Variants in CACNA1I observed in about 807,000 individuals in gnomAD.
The protein encoded by CACNA1I is calcium voltage-gated channel subunit alpha1 I.
In CACNA1I, 74 loss-of-function variants were observed where a neutral mutation model predicts 201.6. The observed-to-expected ratio is 0.37, with a 90% CI of 0.30 to 0.45. CACNA1I has a LOEUF of 0.45. CACNA1I is among the 20% of genes least tolerant of loss of function. The pLI, the probability that CACNA1I is intolerant of heterozygous loss-of-function variation, is 1.00. For synonymous variants in CACNA1I, 1,431 were observed against 1,345.2 expected (o/e 1.06, Z -1.40); for missense variants, 2,346 against 3,138.1 (o/e 0.75, Z 6.03).
At position 39,687,970 on chromosome 22, in the gene CACNA1I, C is replaced by A. The variant is rs1935935156; in HGVS notation, c.*1565C>A. ...GCAATAACCTTGCCTTTGCTAAGAC[C>A]CCCTCCGAGGGCTTCAGGGGGGCCT... On this transcript the variant is annotated 3_prime_UTR_variant, in exon 37 of 37. Coordinates refer to ENST00000402142, the MANE Select transcript of CACNA1I (RefSeq NM_021096.4). The A allele has an allele frequency of 6.6e-6, 1 of 152,270 alleles. No homozygotes were observed. The highest frequency in any genetic ancestry group is 2.1e-4 in the South Asian group (1 of 4,824). 9.4% of individuals were successfully genotyped at this position (152,270 alleles called of 1,614,324 possible). A position where few individuals can be genotyped will look rare whatever the true frequency, so the allele number is the denominator to read the frequency against.
chr22:39,637,761 T>G (rs1449726976), intron 5 of CACNA1I, among the ~76,000 whole-genome samples: 3 of 152,246 alleles, frequency 2.0e-5, no homozygotes, highest in African/African-American at 7.2e-5. Context: ...AAGTCCAGTT[T>G]ATCAATCATT....
rs1933087468 is a variant in CACNA1I, at chr22:39,602,169, T to A, written c.482+1516T>A. 2.8e-5 allele frequency among the ~76,000 whole-genome samples: 4 copies of A among 144,152 alleles called. No individual in the cohort carries two copies. The South Asian group carries it at 7.1e-4, about 25-fold the overall frequency. The allele number at this position is 144,152 out of a possible 152,430, so 94.6% of individuals were successfully genotyped here. ...ACACTGCAGCCTTGACTTCCTAGGCTCAAAGGATCCTCCCACCTCAGCCTC... is the reference window on the plus strand; with the variant it reads ...ACACTGCAGCCTTGACTTCCTAGGCACAAAGGATCCTCCCACCTCAGCCTC... On this transcript the variant is annotated intron_variant, in intron 3 of 36. Coordinates refer to ENST00000402142, the MANE Select transcript of CACNA1I (RefSeq NM_021096.4).
At chr22:39,634,815 G>C in intron 5 of CACNA1I, 91 bp downstream of exon 5, 1 of 1,314,550 alleles carries the variant, frequency 7.6e-7, no homozygotes, top group Non-Finnish European at 1.1e-6. Flanking sequence ...CAGGACCAAT[G>C]GGGTAGAAGC....
Position 39,662,033 on chromosome 22 carries a change from C to A in CACNA1I, c.2970C>A (p.Ser990Arg). ...RSAAWASRRS[S>R]WNSLKHKPPS... Reference sequence around the variant, plus strand: ...CGGCCTGGGCCAGCCGTCGCTCCAGCTGGAACAGCCTCAAGCACAAGCCGC... The same window carrying A: ...CGGCCTGGGCCAGCCGTCGCTCCAGATGGAACAGCCTCAAGCACAAGCCGC... Residue 990 changes from serine (S) to arginine (R), a missense_variant, in exon 17 of 37, where the codon AGC (serine) becomes AGA (arginine). By Grantham distance (110) the Ser-to-Arg change is moderately radical. Coordinates refer to ENST00000402142, the MANE Select transcript of CACNA1I (RefSeq NM_021096.4). The A allele has an allele frequency of 6.4e-7, 1 of 1,566,930 alleles. No individual in the cohort carries two copies. Among genetic ancestry groups the A allele is most frequent in the African/African-American group, 1.4e-5 (1 of 72,652 alleles).
intron 29 of CACNA1I, 87 bp downstream of exon 29, chr22:39,674,120 C>T (rs1014476049): frequency 3.1e-6 from 4 of 1,281,458 alleles, no homozygotes; most frequent in Admixed American, 1.8e-5. Context: ...TTTCCCTTCT[C>T]CTCACATCTG....
intron 10 of CACNA1I, among the ~76,000 whole-genome samples, chr22:39,657,444 G>A (rs944197188): frequency 3.9e-5 from 6 of 152,166 alleles, no homozygotes; most frequent in African/African-American, 1.4e-4. Flanking sequence ...CAGGTACATT[G>A]TGTCCACCGT....
chr22:39,614,641 G>A (rs1029504121), intron 3 of CACNA1I, among the ~76,000 whole-genome samples: 6 of 152,236 alleles, frequency 3.9e-5, no homozygotes, highest in African/African-American at 1.4e-4. Context: ...TGGTGGCCCA[G>A]CTGGGGGCAT....
In CACNA1I at chr22:39,680,936, C is replaced by A. The variant is rs371618057; in HGVS notation, c.5548C>A (p.Leu1850Met). Residue 1850 changes from leucine to methionine, a missense_variant, in exon 34 of 37, where the codon CTG (leucine) becomes ATG (methionine). Transcript: ENST00000402142. Reference protein sequence around the residue: ...KCHHDKQEVQLAETEAFSLNS... With the variant: ...KCHHDKQEVQMAETEAFSLNS... Reference sequence around the variant, plus strand: ...CCACCCCCTCTTCCTGCAGGTGCAGCTGGCTGAGACGGAGGCCTTCTCCCT... The same window carrying A: ...CCACCCCCTCTTCCTGCAGGTGCAGATGGCTGAGACGGAGGCCTTCTCCCT... 4 of 1,609,392 alleles carry A rather than the reference C, an allele frequency of 2.5e-6. No individual in the cohort carries two copies. Among genetic ancestry groups the A allele is most frequent in the Non-Finnish European group, 3.4e-6 (4 of 1,178,736 alleles).
chr22:39,667,408 G>T (rs113993821), intron 23 of CACNA1I, among the ~76,000 whole-genome samples: 3,706 of 152,272 alleles, frequency 0.024, 163 homozygotes, highest in African/African-American at 0.084. Context: ...GAGCGCAGAG[G>T]GGGGTGAGAC....
intron 4 of CACNA1I, among the ~76,000 whole-genome samples, chr22:39,624,504 C>T (rs562364827): frequency 4.9e-4 from 74 of 152,316 alleles, no homozygotes; most frequent in African/African-American, 1.7e-3. Flanking sequence ...AGCCTGATTC[C>T]GCTTCTCAGA....
chr22:39,586,748 C>T (rs890667556), intron 1 of CACNA1I, among the ~76,000 whole-genome samples: 3 of 152,110 alleles, frequency 2.0e-5, no homozygotes, highest in Non-Finnish European at 4.4e-5. Context: ...AGGGGAGACA[C>T]GCGGCAGAGG....
At position 39,662,135 on chromosome 22, in the gene CACNA1I, G is replaced by C; in HGVS notation, c.3072G>C (p.Glu1024Asp). ...GARVCEVAAD[E>D]GPPRAAPLHT... ...GGGTCTGCGAGGTTGCCGCGGACGA[G>C]GGGCCGCCGCGGGCCGCACCCCTGC... Residue 1024 changes from glutamate (E) to aspartate (D), a missense_variant, in exon 17 of 37, where the codon GAG becomes GAC. Coordinates refer to ENST00000402142, the MANE Select transcript of CACNA1I (RefSeq NM_021096.4). 6.6e-7 allele frequency: 1 copy of C among 1,526,152 alleles called. No homozygotes were observed. Among genetic ancestry groups the C allele is most frequent in the Non-Finnish European group, 8.8e-7 (1 of 1,140,688 alleles). The allele number at this position is 1,526,152 out of a possible 1,614,324, so 94.5% of individuals were successfully genotyped here.
chr22:39,661,134 A>G lies in CACNA1I; in HGVS notation c.2725A>G (p.Thr909Ala), dbSNP rs1304706143. The G allele has an allele frequency of 6.2e-7, 1 of 1,612,306 alleles. No individual in the cohort carries two copies. The highest frequency in any genetic ancestry group is 2.2e-5 in the East Asian group (1 of 44,822). Reference protein sequence around the residue: ...GDPKLCPIPMTPNGHLDPSLP... With the variant: ...GDPKLCPIPMAPNGHLDPSLP... ...TCCCAAGCTCTGCCCAATCCCCATG[A>G]CCCCCAATGGGCACCTGGACCCCAG... Residue 909 changes from threonine (T) to alanine (A), a missense_variant, in exon 16 of 37, where the codon ACC (threonine) becomes GCC (alanine). By Grantham distance (58) the Thr-to-Ala change is moderately conservative. Transcript: ENST00000402142.
rs1935151671 is a variant in CACNA1I at position 39,665,273 on chromosome 22, C to G, written c.3852-225C>G. ...CACGTACCCTGCTGCTGCTGTAGAT[C>G]TGAGGCCTGGGTGCAGCTTGCCTCC... On this transcript the variant is annotated intron_variant, in intron 21 of 36. Transcript: ENST00000402142. The surrounding 1 kb of genome is among the most constrained non-coding windows in gnomAD (Gnocchi z 5.5). Among the ~76,000 whole-genome samples the G allele has an allele frequency of 6.6e-6, 1 of 152,160 alleles. No homozygotes were observed. Among genetic ancestry groups the G allele is most frequent in the South Asian group, 2.1e-4 (1 of 4,824 alleles).
chr22:39,601,904 TCCCTCCC>T (rs1324239211), intron 3 of CACNA1I, among the ~76,000 whole-genome samples: 1 of 30,186 alleles, frequency 3.3e-5, no homozygotes, highest in Non-Finnish European at 6.9e-5. Flanking sequence ...CCTCCCTCCC[TCCCTCCC>T]TCCCTCCTTC....
In CACNA1I at chr22:39,684,394, G is replaced by T. The variant is rs943225448; in HGVS notation, c.5923G>T (p.Gly1975Cys). 6.2e-7 allele frequency: 1 copy of T among 1,613,674 alleles called. No homozygotes were observed. The highest frequency in any genetic ancestry group is 2.2e-5 in the East Asian group (1 of 44,880). Residue 1975 changes from glycine to cysteine, a missense_variant, in exon 36 of 37, where the codon GGC (glycine) becomes TGC (cysteine). Gly to Cys is a radical substitution (Grantham distance 159). Transcript: ENST00000402142. This position sits in a 1 kb window ranked among gnomAD's most constrained non-coding sequence, Gnocchi z 4.6. ...FHPAVSASQK[G>C]PEKGTGTGTL... ...CCCTGCAGTGTCTGCCAGCCAGAAAGGCCCAGAAAAGGGCACTGGCACTGG... is the reference window on the plus strand; with the variant it reads ...CCCTGCAGTGTCTGCCAGCCAGAAATGCCCAGAAAAGGGCACTGGCACTGG...
Position 39,649,791 on chromosome 22 carries a change from T to C in CACNA1I, c.1858T>C (p.Trp620Arg), listed in dbSNP as rs1321008716. ...GGAGGAGCAGGCGGATGGGGCGGTC[T>C]GGCTGTGCGGGGATGTGTGGCGGGA... is the stretch of plus-strand genomic sequence containing the variant. ...EEEEQADGAV[W>R]LCGDVWRETR... is the part of the protein sequence containing the mutation. Residue 620 changes from tryptophan to arginine, a missense_variant, in exon 10 of 37, where the codon TGG (tryptophan) becomes CGG (arginine). Trp to Arg is a moderately radical substitution (Grantham distance 101). Around this residue, in one of 13 missense-constraint regions of CACNA1I, gnomAD observed 312 missense variants for 331.5 expected, o/e 0.94. Transcript: ENST00000402142. This position sits in a 1 kb window ranked among gnomAD's most constrained non-coding sequence, Gnocchi z 7.3. 3 of 1,611,814 alleles carry C rather than the reference T, an allele frequency of 1.9e-6. No individual in the cohort carries two copies. The highest frequency in any genetic ancestry group is 1.7e-4 in the Middle Eastern group (1 of 6,056).
intron 3 of CACNA1I, among the ~76,000 whole-genome samples, chr22:39,607,411 A>C (rs1000176331): frequency 6.6e-6 from 1 of 152,230 alleles, no homozygotes; most frequent in African/African-American, 2.4e-5. Flanking sequence ...ATCCACTGCC[A>C]GCAGGCAGGC....
At chr22:39,609,557 G>A (rs1908365318) in intron 3 of CACNA1I, among the ~76,000 whole-genome samples, 1 of 152,258 alleles carries the variant, frequency 6.6e-6, no homozygotes, top group South Asian at 2.1e-4. Flanking sequence ...AGACAGGAAA[G>A]AAGGGTGAAG....
Sources: allele counts gnomAD v4.1 joint callset (sites outside exome capture counted in the v4.1 genomes callset), GRCh38; gene constraint gnomAD v4.1.1; regional missense constraint gnomAD v4.1.1; non-coding constraint Gnocchi (gnomAD v3.1); transcripts MANE v1.5; gene names NCBI Gene and HGNC (gene_info 2026-07-23, HGNC 2026-07-21).